Variants in SEC14L4 observed in about 807,000 individuals in gnomAD.
The protein encoded by SEC14L4 is SEC14 like lipid binding 4.
Under a neutral mutation model 55.1 loss-of-function variants are expected in SEC14L4, and 42 were observed. The observed-to-expected ratio is 0.76, with a 90% confidence interval of 0.60 to 0.99. SEC14L4 has a LOEUF of 0.99. Ranked by LOEUF, SEC14L4 falls within the 50% of genes least tolerant of loss-of-function variation. The probability of loss-of-function intolerance (pLI) is 0.00; values close to 1 mark genes in which losing one functional copy is unlikely to be tolerated. For missense variants in SEC14L4, 445 were observed against 512.1 expected (o/e 0.87, Z 1.27); for synonymous variants, 206 against 206.8 (o/e 1.00, Z 0.03).
intron 2 of SEC14L4, among the ~76,000 whole-genome samples, chr22:30,500,962 G>A (rs911102468): frequency 9.2e-5 from 14 of 151,468 alleles, no homozygotes; most frequent in African/African-American, 1.5e-4. Context: ...TTGAGAGGCC[G>A]AGGCGGGAGG....
intron 7 of SEC14L4, among the ~76,000 whole-genome samples, chr22:30,493,050 C>T (rs936506667): frequency 2.7e-5 from 4 of 147,624 alleles, no homozygotes; most frequent in African/African-American, 1.0e-4. Context: ...CGCCACTGCA[C>T]TCCAGCCTGG....
chr22:30,500,754 A>ATTTTTTTTTTTTTTTT lies in SEC14L4; in HGVS notation c.130+2907_130+2922dup, dbSNP rs531954470. On this transcript the variant is annotated intron_variant, in intron 2 of 11. Coordinates refer to ENST00000255858, the MANE Select transcript of SEC14L4 (RefSeq NM_174977.4). ...AATGCTCATGGGATATGAGAACAGAATTTTTTTTTTTTTTTTTTTTTTTTT... is the reference window on the plus strand; with the variant it reads ...AATGCTCATGGGATATGAGAACAGAATTTTTTTTTTTTTTTTTTTTTTTTTTTTTTTTTTTTTTTTT... Among the ~76,000 whole-genome samples, 4 of 79,472 alleles carry ATTTTTTTTTTTTTTTT rather than the reference A, an allele frequency of 5.0e-5. 1 individual carries two copies. The highest frequency in any genetic ancestry group is 2.1e-4 in the African/African-American group (4 of 19,350). 52.1% of individuals were successfully genotyped at this position (79,472 alleles called of 152,430 possible). A position where few individuals can be genotyped will look rare whatever the true frequency, so the allele number is the denominator to read the frequency against.
chr22:30,502,647 C>T (rs891850925), intron 2 of SEC14L4, among the ~76,000 whole-genome samples: 9 of 152,068 alleles, frequency 5.9e-5, no homozygotes, highest in African/African-American at 1.9e-4. Context: ...ACCTCCCAGG[C>T]TCAAGTGATC....
chr22:30,500,728 CA>C (rs1936290994), intron 2 of SEC14L4, among the ~76,000 whole-genome samples: 1 of 139,702 alleles, frequency 7.2e-6, no homozygotes, highest in Non-Finnish European at 1.5e-5. Context: ...GTGGTTTGGG[CA>C]ATGCTCATGG....
chr22:30,498,002 A>C (rs1601851693), intron 2 of SEC14L4, among the ~76,000 whole-genome samples: 1 of 151,908 alleles, frequency 6.6e-6, no homozygotes, highest in African/African-American at 2.4e-5. Flanking sequence ...TGAACAGGGC[A>C]GTTCTATATA....
intron 1 of SEC14L4, 26 bp from the exon 2 acceptor site, chr22:30,503,778 G>C (rs776199108): frequency 3.1e-6 from 5 of 1,605,282 alleles, no homozygotes; most frequent in Non-Finnish European, 4.3e-6. Context: ...TCTGATGGTC[G>C]GCGGAGCTCT....
rs1362501936 is a variant in SEC14L4, at chr22:30,492,276, C to T, written c.665-121G>A. The T allele has an allele frequency of 1.4e-5, 18 of 1,308,856 alleles. No homozygotes were observed. The East Asian group carries it at 4.3e-4, about 31-fold the overall frequency. 81.1% of individuals were successfully genotyped at this position (1,308,856 alleles called of 1,614,324 possible). ...GGCGTGCTCCCCCGGGCACCTACTC[C>T]TAAGAGTACCCAAGACCTTTATGTG... is the stretch of plus-strand genomic sequence containing the variant. On this transcript the variant is annotated intron_variant, in intron 8 of 11. Coordinates refer to ENST00000255858, the MANE Select transcript of SEC14L4 (RefSeq NM_174977.4).
At chr22:30,498,748 T>G (rs1406972922) in intron 2 of SEC14L4, among the ~76,000 whole-genome samples, 2 of 152,210 alleles carry the variant, frequency 1.3e-5, no homozygotes, top group Non-Finnish European at 2.9e-5. Flanking sequence ...CCTAGATTGG[T>G]AAGACTTTCA....
intron 2 of SEC14L4, among the ~76,000 whole-genome samples, chr22:30,499,214 C>A (rs1036465560): frequency 1.3e-5 from 2 of 151,422 alleles, no homozygotes; most frequent in East Asian, 2.0e-4. Flanking sequence ...AATTTTAATG[C>A]CTTATTGGAT....
rs200834726 is a variant in SEC14L4, at chr22:30,491,770, C to A, written c.912-28G>T. ...GCAGTGGATAGAGCCCCATTGGCGA[C>A]CCCCTGCCTGGGCTCCAGGCCCCTC... is the stretch of plus-strand genomic sequence containing the variant. On this transcript the variant is annotated intron_variant, in intron 10 of 11. Coordinates refer to ENST00000255858, the MANE Select transcript of SEC14L4 (RefSeq NM_174977.4). 9.9e-4 allele frequency: 1,591 copies of A among 1,607,324 alleles called. 20 individuals carry two copies. In the African/African-American group the frequency reaches 0.019, roughly 19 times the overall value.
chr22:30,492,454 C>G lies in SEC14L4; in HGVS notation c.664+20G>C. 6.2e-7 allele frequency: 1 copy of G among 1,603,910 alleles called. No homozygotes were observed. ...TGCTTCCCAGGCAGATGGACACAAC[C>G]AGGGGGCCACGTCGCTCACCTCCCA... On this transcript the variant is annotated intron_variant, in intron 8 of 11. Transcript: ENST00000255858.
Position 30,495,642 on chromosome 22 carries a change from G to A in SEC14L4, c.175C>T (p.His59Tyr), listed in dbSNP as rs753580604. The A allele has an allele frequency of 1.6e-5, 26 of 1,613,948 alleles. No homozygotes were observed. In the Admixed American group the frequency reaches 2.3e-4, roughly 14 times the overall value. The change falls in exon 4 of 12, where the codon CAC becomes TAC. Residue 59 changes from histidine (H) to tyrosine (Y), a missense_variant and splice_region_variant. Physicochemically the swap from His to Tyr is moderately conservative, Grantham distance 83 (BLOSUM62 2). Coordinates refer to ENST00000255858, the MANE Select transcript of SEC14L4 (RefSeq NM_174977.4). ...TCTTGTTGCTTCCGGAACTCCATGT[G>A]CTGCAGGAACACAGCAGGAGCTATA... ...LQKSEDMLRRHMEFRKQQDLD... is the reference protein window; with the variant it reads ...LQKSEDMLRRYMEFRKQQDLD...
chr22:30,503,793 ACCTCGGGGGCCACCAACCCCGCC>A (rs748096303), intron 1 of SEC14L4, 41 bp from the exon 2 acceptor site: 1 of 1,564,640 alleles, frequency 6.4e-7, no homozygotes, highest in South Asian at 1.1e-5. Context: ...AGCTCTCATG[ACCTCGGGGGCCACCAACCCCGCC>A]CCTAACCCTT....
At chr22:30,505,496 T>C (rs1259155735) in intron 1 of SEC14L4, 62 bp downstream of exon 1, 4 of 1,482,918 alleles carry the variant, frequency 2.7e-6, no homozygotes, top group African/African-American at 2.8e-5. Context: ...TCCAGCCGGG[T>C]TGGGCAGTGC....
intron 2 of SEC14L4, among the ~76,000 whole-genome samples, chr22:30,501,216 C>T (rs917625068): frequency 4.6e-5 from 7 of 152,196 alleles, no homozygotes; most frequent in East Asian, 1.9e-4. Flanking sequence ...GCGGAGCTGA[C>T]GCTGAAGTGG....
At chr22:30,492,234 G>T (rs1366527825) in intron 8 of SEC14L4, 79 bp from the exon 9 acceptor site, 3 of 1,522,694 alleles carry the variant, frequency 2.0e-6, no homozygotes, top group Admixed American at 3.9e-5. Context: ...CTTGGTGAGG[G>T]AACCTGATAT....
chr22:30,490,454 C>T (rs949717969), intron 11 of SEC14L4, among the ~76,000 whole-genome samples: 1 of 152,230 alleles, frequency 6.6e-6, no homozygotes, highest in Admixed American at 6.5e-5. Flanking sequence ...CCATTGCTCG[C>T]TGCCATCTCC....
At chr22:30,491,076 G>A (rs570592316) in intron 11 of SEC14L4, among the ~76,000 whole-genome samples, 1 of 152,190 alleles carries the variant, frequency 6.6e-6, no homozygotes, top group Non-Finnish European at 1.5e-5. Flanking sequence ...TCAACCTTGG[G>A]TTCCCCTTCT....
At position 30,489,480 on chromosome 22, in the gene SEC14L4, T is replaced by G. The variant is rs1450591956; in HGVS notation, c.*627A>C. On this transcript the variant is annotated 3_prime_UTR_variant, in exon 12 of 12. Transcript: ENST00000255858. ...GTCCCGAACTCCTGATCTCAGGTGATCTGCCCAACTCAGCCTCCCAAACTG... is the reference window on the plus strand; with the variant it reads ...GTCCCGAACTCCTGATCTCAGGTGAGCTGCCCAACTCAGCCTCCCAAACTG... The G allele has an allele frequency of 1.1e-5, 3 of 277,142 alleles. No individual in the cohort carries two copies. The highest frequency in any genetic ancestry group is 2.1e-5 in the Non-Finnish European group (3 of 146,194). The allele number at this position is 277,142 out of a possible 1,614,324, so 17.2% of individuals were successfully genotyped here. A position where few individuals can be genotyped will look rare whatever the true frequency, so the allele number is the denominator to read the frequency against.
Sources: allele counts gnomAD v4.1 joint callset (sites outside exome capture counted in the v4.1 genomes callset), GRCh38; gene constraint gnomAD v4.1.1; transcripts MANE v1.5; gene names NCBI Gene and HGNC (gene_info 2026-07-23, HGNC 2026-07-21).